The following SDK1 variants were observed in gnomAD, a reference collection of about 807,000 sequenced individuals.
SDK1 encodes the protein sidekick cell adhesion molecule 1.
SDK1 carries 157 observed loss-of-function variants against 245.5 expected under a neutral mutation model. The ratio of observed to expected loss-of-function variants is 0.64; its 90% CI spans 0.56 to 0.73. The LOEUF is 0.73. SDK1 is among the 30% of genes least tolerant of loss of function. The pLI is 0.00. For missense variants in SDK1, 3,583 were observed against 3,002.3 expected, an observed-to-expected ratio of 1.19 and a Z score of -4.52; for synonymous variants, 1,647 against 1,278.5, an observed-to-expected ratio of 1.29 and a Z score of -6.15.
intron 40 of SDK1, among the ~76,000 whole-genome samples, chr7:4,222,547 G>A (rs910889557): frequency 7.9e-5 from 12 of 152,082 alleles, no homozygotes; most frequent in African/African-American, 2.4e-4. Context: ...TACCCTCCTC[G>A]GCCTCCCAAA....
At chr7:3,618,558 T>C (rs767412755) in intron 1 of SDK1, among the ~76,000 whole-genome samples, 8 of 152,230 alleles carry the variant, frequency 5.3e-5, no homozygotes, top group Non-Finnish European at 1.2e-4. Context: ...TTTCCTGTGT[T>C]GTATCCCATT....
intron 1 of SDK1, among the ~76,000 whole-genome samples, chr7:3,494,178 A>G (rs1781951119): frequency 6.6e-6 from 1 of 152,178 alleles, no homozygotes; most frequent in African/African-American, 2.4e-5. Flanking sequence ...TTATAAAGCC[A>G]TTTTTTATTT....
At chr7:3,884,063 T>TTTTGTTTG (rs1554275927) in intron 5 of SDK1, among the ~76,000 whole-genome samples, 1 of 109,874 alleles carries the variant, frequency 9.1e-6, no homozygotes, top group African/African-American at 4.1e-5. Flanking sequence ...TTTGTTTGTT[T>TTTTGTTTG]TTTGTTTGTT....
chr7:3,818,041 G>A (rs551587874), intron 4 of SDK1, among the ~76,000 whole-genome samples: 1 of 152,272 alleles, frequency 6.6e-6, no homozygotes, highest in East Asian at 1.9e-4. Context: ...GTCTTCTCCC[G>A]AGCGGCAGCT....
chr7:3,531,626 G>A (rs1352222521), intron 1 of SDK1, among the ~76,000 whole-genome samples: 4 of 152,070 alleles, frequency 2.6e-5, no homozygotes, highest in African/African-American at 9.7e-5. Flanking sequence ...TTCATTATTT[G>A]CTATCAGCCA....
intron 1 of SDK1, among the ~76,000 whole-genome samples, chr7:3,615,287 G>A (rs1484424095): frequency 3.3e-5 from 5 of 151,648 alleles, no homozygotes; most frequent in African/African-American, 1.2e-4. Context: ...TTGCAGTTCA[G>A]CTTTATTAGA....
intron 1 of SDK1, among the ~76,000 whole-genome samples, chr7:3,328,805 CAGTT>C (rs1779997724): frequency 1.3e-5 from 2 of 152,048 alleles, no homozygotes; most frequent in African/African-American, 2.4e-5. Flanking sequence ...CTATACAGTT[CAGTT>C]AGTTCAGGTC....
At chr7:3,325,621 A>G (rs1779921680) in intron 1 of SDK1, among the ~76,000 whole-genome samples, 1 of 152,182 alleles carries the variant, frequency 6.6e-6, no homozygotes, top group African/African-American at 2.4e-5. Flanking sequence ...GAAGTGTCAT[A>G]AAAGATTAAA....
At chr7:4,007,188 G>A (rs1005737882) in intron 14 of SDK1, among the ~76,000 whole-genome samples, 13 of 152,242 alleles carry the variant, frequency 8.5e-5, no homozygotes, top group Non-Finnish European at 1.8e-4. Flanking sequence ...CAATCAAGGA[G>A]GAAGTTTTAG....
In SDK1 at chr7:3,319,878, C is replaced by CT. The variant is rs57770805; in HGVS notation, c.298+18011dup. 6.4e-3 allele frequency among the ~76,000 whole-genome samples: 560 copies of CT among 88,144 alleles called. 54 individuals carry two copies. Among genetic ancestry groups the CT allele is most frequent in the Admixed American group, 0.016 (130 of 8,304 alleles). The allele number at this position is 88,144 out of a possible 152,430, so 57.8% of individuals were successfully genotyped here. A position where few individuals can be genotyped will look rare whatever the true frequency, so the allele number is the denominator to read the frequency against. On this transcript the variant is annotated intron_variant, in intron 1 of 44. Coordinates refer to ENST00000404826, the MANE Select transcript of SDK1 (RefSeq NM_152744.4). ...TGCCTATATCTAACCCATTCTTAGT[C>CT]TTTTTTTTTTTTTTTTTGCATTTGC...
At chr7:3,616,128 C>T (rs1781764803) in intron 1 of SDK1, among the ~76,000 whole-genome samples, 1 of 152,154 alleles carries the variant, frequency 6.6e-6, no homozygotes, top group African/African-American at 2.4e-5. Flanking sequence ...TCAAGCAATC[C>T]TTCCGCCTCA....
intron 14 of SDK1, among the ~76,000 whole-genome samples, chr7:3,990,993 C>T (rs137930396): frequency 3.6e-4 from 55 of 152,332 alleles, no homozygotes; most frequent in African/African-American, 1.2e-3. Context: ...CTGCTCTGCA[C>T]TCTGCTGGGT....
intron 4 of SDK1, among the ~76,000 whole-genome samples, chr7:3,733,306 T>C (rs1779231261): frequency 6.6e-6 from 1 of 152,230 alleles, no homozygotes; most frequent in African/African-American, 2.4e-5. Context: ...GATACTATAA[T>C]TGGGAAGCCT....
At chr7:3,692,947 A>C (rs1298500523) in intron 4 of SDK1, among the ~76,000 whole-genome samples, 1 of 152,020 alleles carries the variant, frequency 6.6e-6, no homozygotes, top group East Asian at 1.9e-4. Context: ...ATTTTCATTT[A>C]TATATCATCC....
At chr7:4,005,744 C>A (rs1431370165) in intron 14 of SDK1, among the ~76,000 whole-genome samples, 1 of 152,132 alleles carries the variant, frequency 6.6e-6, no homozygotes, top group Admixed American at 6.6e-5. Context: ...TAAGGAAAAT[C>A]TCCCTGCTGG....
intron 4 of SDK1, among the ~76,000 whole-genome samples, chr7:3,806,738 G>A (rs922551509): frequency 6.6e-6 from 1 of 152,234 alleles, no homozygotes; most frequent in African/African-American, 2.4e-5. Context: ...TACGTTTTAT[G>A]TTATTGTGTT....
chr7:3,871,721 G>A (rs923080953), intron 5 of SDK1, among the ~76,000 whole-genome samples: 1 of 152,148 alleles, frequency 6.6e-6, no homozygotes, highest in African/African-American at 2.4e-5. Flanking sequence ...TAAGTATAGT[G>A]AATGACCAAC....
At chr7:3,888,839 G>C (rs149709179) in intron 5 of SDK1, among the ~76,000 whole-genome samples, 4 of 152,080 alleles carry the variant, frequency 2.6e-5, no homozygotes, top group Non-Finnish European at 1.5e-5. Flanking sequence ...ACTCATTCTC[G>C]TATTCTATAT....
At chr7:3,856,730 G>A (rs1583482051) in intron 5 of SDK1, among the ~76,000 whole-genome samples, 1 of 151,986 alleles carries the variant, frequency 6.6e-6, no homozygotes, top group Non-Finnish European at 1.5e-5. Context: ...GGCGGAGATT[G>A]CAGTGAGCCG....
Sources: gnomAD v4.1 joint callset for allele counts (sites outside exome capture counted in the v4.1 genomes callset) on GRCh38, gnomAD v4.1.1 for gene constraint, MANE v1.5 for transcripts, NCBI Gene and HGNC (gene_info 2026-07-23, HGNC 2026-07-21) for gene names.